The following LY75 variants were observed in gnomAD, a reference collection of about 807,000 sequenced individuals.
LY75 encodes C-type lectin domain family 13 member B.
A neutral mutation model predicts 231.7 loss-of-function variants in LY75; 185 were observed. The observed-to-expected ratio is 0.80, with a 90% CI of 0.71 to 0.90. LY75 has a LOEUF of 0.90. LY75 is among the 40% of genes least tolerant of loss of function. LY75 has a pLI of 0.00. For synonymous variants in LY75, 668 were observed against 689.0 expected (o/e 0.97, Z 0.48); for missense variants, 1,947 against 2,050.2 (o/e 0.95, Z 0.97).
chr2:159,848,546 C>A (rs1161699130), intron 23 of LY75, among the ~76,000 whole-genome samples: 1 of 152,098 alleles, frequency 6.6e-6, no homozygotes, highest in Non-Finnish European at 1.5e-5. Context: ...TGTTCCCCAG[C>A]AACCATTAAA....
intron 8 of LY75, among the ~76,000 whole-genome samples, 191 bp downstream of exon 8, chr2:159,880,892 T>C (rs1055698545): frequency 1.6e-4 from 24 of 152,208 alleles, no homozygotes; most frequent in Admixed American, 3.3e-4. Flanking sequence ...TAATGCTTGC[T>C]TACCCGCCGC....
intron 22 of LY75, 38 bp from the exon 23 acceptor site, chr2:159,850,178 T>C: frequency 6.4e-7 from 1 of 1,574,686 alleles, no homozygotes; most frequent in East Asian, 2.3e-5. Context: ...TTTGATTTAT[T>C]CAAATTAAAG....
Position 159,893,666 on chromosome 2 carries a change from C to T in LY75, c.637+248G>A, listed in dbSNP as rs1346982024. The stretch of plus-strand genomic sequence containing the variant: ...GCATGCCTTTTCCACACTTCCTCTC[C>T]CTGGGGTGCTATGGAACACTCCCTC... On this transcript the variant is annotated intron_variant, in intron 3 of 34. Transcript: ENST00000263636. 3.3e-5 allele frequency among the ~76,000 whole-genome samples: 5 copies of T among 152,100 alleles called. No individual in the cohort carries two copies. In the East Asian group the frequency reaches 9.6e-4, roughly 29 times the overall value.
At chr2:159,822,865 G>C (rs1253471804) in intron 28 of LY75, among the ~76,000 whole-genome samples, 2 of 152,160 alleles carry the variant, frequency 1.3e-5, no homozygotes, top group Non-Finnish European at 2.9e-5. Context: ...CAGCAGACCA[G>C]CAGCAGAGGG....
intron 21 of LY75, among the ~76,000 whole-genome samples, chr2:159,850,904 T>C (rs1684383659): frequency 6.7e-6 from 1 of 149,292 alleles, no homozygotes; most frequent in South Asian, 2.1e-4. Context: ...GTGCTTCCTA[T>C]GTGTTAAGCA....
At chr2:159,832,339 G>C (rs554448049) in intron 27 of LY75, among the ~76,000 whole-genome samples, 2 of 152,308 alleles carry the variant, frequency 1.3e-5, no homozygotes, top group East Asian at 3.9e-4. Flanking sequence ...TGACAGAGGA[G>C]TGCAAACCCT....
chr2:159,893,620 C>A (rs995917478), intron 3 of LY75, among the ~76,000 whole-genome samples: 1 of 152,146 alleles, frequency 6.6e-6, no homozygotes, highest in African/African-American at 2.4e-5. Context: ...TACTAAAGGT[C>A]AGCAGCAATT....
chr2:159,871,463 T>C (rs1685009918), intron 13 of LY75, among the ~76,000 whole-genome samples: 1 of 151,978 alleles, frequency 6.6e-6, no homozygotes, highest in Non-Finnish European at 1.5e-5. Flanking sequence ...TTTTTAAAAT[T>C]AAAAAATTTA....
chr2:159,886,363 G>C (rs983563642), intron 5 of LY75, 57 bp downstream of exon 5: 7 of 1,492,740 alleles, frequency 4.7e-6, no homozygotes, highest in Non-Finnish European at 6.3e-6. Flanking sequence ...TGAGTGAGAA[G>C]CTTTTGCTTT....
At chr2:159,841,016 G>A in intron 24 of LY75, 61 bp from the exon 25 acceptor site, 1 of 1,581,328 alleles carries the variant, frequency 6.3e-7, no homozygotes, top group South Asian at 1.1e-5. Context: ...CAAGTTATGG[G>A]ACATTTTTTT....
intron 1 of LY75, among the ~76,000 whole-genome samples, chr2:159,900,870 G>T (rs1051337628): frequency 3.9e-5 from 6 of 151,908 alleles, no homozygotes; most frequent in African/African-American, 1.5e-4. Context: ...ATGGAGTCTT[G>T]CTCTGTTGCC....
intron 13 of LY75, among the ~76,000 whole-genome samples, chr2:159,865,394 T>G (rs985087754): frequency 6.6e-6 from 1 of 152,176 alleles, no homozygotes; most frequent in Non-Finnish European, 1.5e-5. Context: ...ATTTGAGTAT[T>G]GCCTATGTGC....
intron 3 of LY75, among the ~76,000 whole-genome samples, chr2:159,893,603 C>T (rs921734291): frequency 2.6e-5 from 4 of 152,284 alleles, no homozygotes; most frequent in Admixed American, 6.5e-5. Flanking sequence ...CTCTAGTCTT[C>T]TGAAACTACT....
intron 23 of LY75, among the ~76,000 whole-genome samples, chr2:159,847,784 G>T (rs925112313): frequency 6.6e-6 from 1 of 151,946 alleles, no homozygotes; most frequent in African/African-American, 2.4e-5. Context: ...GAAGCAAGTT[G>T]GTAATCAGAG....
chr2:159,840,158 T>C (rs1026581416), intron 25 of LY75, among the ~76,000 whole-genome samples: 1 of 152,152 alleles, frequency 6.6e-6, no homozygotes, highest in African/African-American at 2.4e-5. Flanking sequence ...AGCTCGTCTT[T>C]GATTAGAATA....
intron 23 of LY75, among the ~76,000 whole-genome samples, chr2:159,847,874 A>T (rs761432838): frequency 4.6e-5 from 7 of 151,986 alleles, no homozygotes; most frequent in Non-Finnish European, 8.8e-5. Context: ...ATAGGCTAAG[A>T]TTATACACAA....
chr2:159,819,438 C>G (rs1360639182), intron 29 of LY75, among the ~76,000 whole-genome samples: 1 of 151,728 alleles, frequency 6.6e-6, no homozygotes, highest in Non-Finnish European at 1.5e-5. Context: ...TCCAATGTAT[C>G]GGTTTTGACT....
In LY75 at chr2:159,890,343, C is replaced by T. The variant is rs1203251794; in HGVS notation, c.672G>A (p.Glu224=). The T allele has an allele frequency of 3.7e-6, 6 of 1,613,180 alleles. No individual in the cohort carries two copies. Among genetic ancestry groups the T allele is most frequent in the Non-Finnish European group, 4.2e-6 (5 of 1,179,616 alleles). ...NGCEDNWEKN[E]QFGSCYQFNT... The stretch of plus-strand genomic sequence containing the variant: ...TAAATTGGTAGCAACTTCCAAACTG[C>T]TCGTTCTTTTCCCAATTATCTTCAC... The change falls in exon 4 of 35, where the codon GAG becomes GAA. Residue 224 remains glutamate, a synonymous_variant. Coordinates refer to ENST00000263636, the MANE Select transcript of LY75 (RefSeq NM_002349.4).
intron 11 of LY75, 96 bp from the exon 12 acceptor site, chr2:159,875,739 A>T (rs1311140628): frequency 2.1e-6 from 3 of 1,445,374 alleles, no homozygotes; most frequent in Non-Finnish European, 2.8e-6. Flanking sequence ...AGTTGGGGAG[A>T]GAGAATAAAA....
Sources: allele counts gnomAD v4.1 joint callset (sites outside exome capture counted in the v4.1 genomes callset), GRCh38; gene constraint gnomAD v4.1.1; transcripts MANE v1.5; gene names NCBI Gene and HGNC (gene_info 2026-07-23, HGNC 2026-07-21).